CLSPN: variants seen among roughly 807,000 people sequenced by gnomAD.
CLSPN encodes claspin.
A neutral mutation model predicts 156.3 loss-of-function variants in CLSPN; 85 were observed. The observed-to-expected ratio is 0.54, with a 90% CI of 0.46 to 0.65. The LOEUF (loss-of-function observed/expected upper bound fraction) is 0.65. CLSPN is among the 30% of genes least tolerant of loss of function. The pLI, the probability that CLSPN is intolerant of heterozygous loss-of-function variation, is 0.00. For synonymous variants in CLSPN, 534 were observed against 542.4 expected, an observed-to-expected ratio of 0.98 and a Z score of 0.22; for missense variants, 1,407 against 1,554.9, an observed-to-expected ratio of 0.90 and a Z score of 1.60.
intron 8 of CLSPN, among the ~76,000 whole-genome samples, chr1:35,756,342 G>A (rs796173939): frequency 6.6e-5 from 10 of 152,266 alleles, no homozygotes; most frequent in African/African-American, 2.4e-4. Flanking sequence ...AAGATTACCT[G>A]GGACTTAAAA....
rs1448843010 is a variant in CLSPN, at chr1:35,746,862, T to C, written c.2758A>G (p.Thr920Ala). ...GGTAGATGTTTTTCAGCCTGAGATG[T>C]GAACTTTCCAGTACACAAATCCAAC... ...ELLDLCTGKF[T>A]SQAEKHLPRK... Residue 920 changes from threonine (T) to alanine (A), a missense_variant, in exon 15 of 25, where the codon ACA (threonine) becomes GCA (alanine). Around this residue, in one of 3 missense-constraint regions of CLSPN, gnomAD observed 1,096 missense variants for 1,193.0 expected, o/e 0.92. Coordinates refer to ENST00000318121, the MANE Select transcript of CLSPN (RefSeq NM_022111.4). The surrounding 1 kb of genome is among the most constrained non-coding windows in gnomAD (Gnocchi z 4.2). 6.2e-7 allele frequency: 1 copy of C among 1,614,048 alleles called. No homozygotes were observed. The highest frequency in any genetic ancestry group is 8.5e-7 in the Non-Finnish European group (1 of 1,179,882).
intron 1 of CLSPN, among the ~76,000 whole-genome samples, chr1:35,767,445 G>C (rs1642714396): frequency 6.6e-6 from 1 of 152,150 alleles, no homozygotes; most frequent in South Asian, 2.1e-4. Context: ...GCCATGACTT[G>C]AAAATACAGG....
At chr1:35,743,326 C>T (rs1040540469) in intron 17 of CLSPN, 85 bp from the exon 18 acceptor site, 7 of 1,368,940 alleles carry the variant, frequency 5.1e-6, no homozygotes, top group Non-Finnish European at 7.2e-6. Flanking sequence ...TGCCCAAATA[C>T]CTCATTCTAG....
Position 35,736,360 on chromosome 1 carries a change from T to A in CLSPN, c.*136A>T. On this transcript the variant is annotated 3_prime_UTR_variant, in exon 25 of 25. Transcript: ENST00000318121. The stretch of plus-strand genomic sequence containing the variant: ...TCCAGAGCTGTGCAGTAGAAATCAC[T>A]GGAATTTCTGTCTGCAATCTTATTG... 1.4e-6 allele frequency: 2 copies of A among 1,380,522 alleles called. No homozygotes were observed. Among genetic ancestry groups the A allele is most frequent in the Non-Finnish European group, 1.9e-6 (2 of 1,067,404 alleles). 85.5% of individuals were successfully genotyped at this position (1,380,522 alleles called of 1,614,324 possible). A position where few individuals can be genotyped will look rare whatever the true frequency, so the allele number is the denominator to read the frequency against.
At position 35,736,315 on chromosome 1, in the gene CLSPN, T is replaced by TA. The variant is rs1641469952; in HGVS notation, c.*180dup. On this transcript the variant is annotated 3_prime_UTR_variant, in exon 25 of 25. Coordinates refer to ENST00000318121, the MANE Select transcript of CLSPN (RefSeq NM_022111.4). ...TGAAATCAGTGGCCAATTCAGGGAATAATACTAGGAAAAGAGATGTCCAGA... is the reference window on the plus strand; with the variant it reads ...TGAAATCAGTGGCCAATTCAGGGAATAAATACTAGGAAAAGAGATGTCCAGA... 15 of 1,226,032 alleles carry TA rather than the reference T, an allele frequency of 1.2e-5. 2 individuals carry two copies. The South Asian group carries it at 4.8e-4, about 39-fold the overall frequency. The allele number at this position is 1,226,032 out of a possible 1,614,324, so 75.9% of individuals were successfully genotyped here. A position where few individuals can be genotyped will look rare whatever the true frequency, so the allele number is the denominator to read the frequency against.
downstream of CLSPN, chr1:35,732,046 A>G (rs1260623901): frequency 1.3e-5 from 8 of 606,780 alleles, no homozygotes; most frequent in African/African-American, 6.0e-5. Flanking sequence ...ACATTTTCCA[A>G]CTGAAGCCCC....
In CLSPN at chr1:35,764,327, T is replaced by A. The variant is rs369414814; in HGVS notation, c.521A>T (p.Glu174Val). The change falls in exon 3 of 25, where the codon GAG becomes GTG. Residue 174 changes from glutamate (E) to valine (V), a missense_variant. By Grantham distance (121) the Glu-to-Val change is moderately radical (BLOSUM62 -2). This residue lies in a region of CLSPN where 1,096 missense variants were observed against 1,193.0 expected (regional missense o/e 0.92). Transcript: ENST00000318121. ...KAKVKSKRRL[E>V]KEERKMEKIR... ...TTTTTCCATTTTTCTCTCCTCTTTC[T>A]CAAGTCTTCTTTTTGATTTTACTTT... The A allele has an allele frequency of 6.2e-7, 1 of 1,600,208 alleles. No homozygotes were observed. The highest frequency in any genetic ancestry group is 1.4e-5 in the African/African-American group (1 of 73,904).
Position 35,734,894 on chromosome 1 carries a change from T to A in CLSPN, c.*1602A>T, listed in dbSNP as rs1443599983. The A allele has an allele frequency of 1.0e-6, 1 of 985,238 alleles. No homozygotes were observed. The highest frequency in any genetic ancestry group is 1.7e-5 in the African/African-American group (1 of 57,214). 61.0% of individuals were successfully genotyped at this position (985,238 alleles called of 1,614,324 possible). On this transcript the variant is annotated 3_prime_UTR_variant, in exon 25 of 25. Transcript: ENST00000318121. ...TTCCAAAGCAGCACTGATGCTCAGT[T>A]CTGAGGGGAAAAACATTTGTCTAAA...
At chr1:35,739,992 C>T (rs186476609) in intron 18 of CLSPN, among the ~76,000 whole-genome samples, 5 of 152,294 alleles carry the variant, frequency 3.3e-5, no homozygotes, top group Admixed American at 3.3e-4. Context: ...TACATTTACC[C>T]AAGGTCACAT....
Position 35,741,830 on chromosome 1 carries a change from G to A in CLSPN, c.3143+1311C>T, listed in dbSNP as rs544345924. Among the ~76,000 whole-genome samples, 20 of 151,882 alleles carry A rather than the reference G, an allele frequency of 1.3e-4. No individual in the cohort carries two copies. In the South Asian group the frequency reaches 4.2e-3, roughly 32 times the overall value. ...TCTACTAAATATACAAAAATTAGCT[G>A]GGTGTGGTGGCACGTGCCTATATTC... On this transcript the variant is annotated intron_variant, in intron 18 of 24. Coordinates refer to ENST00000318121, the MANE Select transcript of CLSPN (RefSeq NM_022111.4).
At chr1:35,759,921 C>T (rs1642416021) in intron 8 of CLSPN, among the ~76,000 whole-genome samples, 1 of 150,272 alleles carries the variant, frequency 6.7e-6, no homozygotes, top group Non-Finnish European at 1.5e-5. Flanking sequence ...GCAACCTCTG[C>T]CTTCTGGGTT....
At chr1:35,767,298 T>A (rs571078360) in intron 1 of CLSPN, among the ~76,000 whole-genome samples, 63 of 152,334 alleles carry the variant, frequency 4.1e-4, no homozygotes, top group African/African-American at 1.5e-3. Context: ...TATCGTAGTA[T>A]CTATTTTTGG....
In CLSPN at chr1:35,732,660, GC is replaced by G; in HGVS notation, c.*3835del. ...CCTACCCTATCTCCCACACTCATGG[GC>G]TCTCATCCCTCCAAATATGTAATTT... On this transcript the variant is annotated 3_prime_UTR_variant, in exon 25 of 25. Coordinates refer to ENST00000318121, the MANE Select transcript of CLSPN (RefSeq NM_022111.4). 1.0e-6 allele frequency: 1 copy of G among 985,404 alleles called. No homozygotes were observed. Among genetic ancestry groups the G allele is most frequent in the Non-Finnish European group, 1.2e-6 (1 of 829,914 alleles). The allele number at this position is 985,404 out of a possible 1,614,324, so 61.0% of individuals were successfully genotyped here. A position where few individuals can be genotyped will look rare whatever the true frequency, so the allele number is the denominator to read the frequency against.
At chr1:35,727,088 T>G (rs1451881947) in intron 24 of CLSPN, among the ~76,000 whole-genome samples, 2 of 151,846 alleles carry the variant, frequency 1.3e-5, no homozygotes, top group Non-Finnish European at 2.9e-5. Flanking sequence ...TGCAAAGGAG[T>G]CTCCGTTCTT....
chr1:35,723,289 G>A (rs192778292), intron 24 of CLSPN, among the ~76,000 whole-genome samples: 1 of 152,286 alleles, frequency 6.6e-6, no homozygotes, highest in African/African-American at 2.4e-5. Context: ...CCTGAACAGG[G>A]CTTTGCAAAA....
intron 24 of CLSPN, among the ~76,000 whole-genome samples, chr1:35,721,570 T>G (rs918052333): frequency 1.2e-4 from 18 of 151,974 alleles, no homozygotes; most frequent in African/African-American, 4.4e-4. Flanking sequence ...GTATTTTTAG[T>G]AGAGACAGGG....
chr1:35,736,818 A>G, intron 24 of CLSPN, 96 bp downstream of exon 24: 1 of 1,409,734 alleles, frequency 7.1e-7, no homozygotes, highest in Non-Finnish European at 9.6e-7. Context: ...TCAACATTGC[A>G]GCATAGAGGT....
At chr1:35,737,212 C>T (rs1472754112) in intron 23 of CLSPN, 127 bp downstream of exon 23, 3 of 1,220,896 alleles carry the variant, frequency 2.5e-6, no homozygotes, top group East Asian at 2.3e-5. Context: ...ATAGCAGACT[C>T]CTTTGACATT....
chr1:35,751,178 T>C (rs927546385), intron 10 of CLSPN, 72 bp downstream of exon 10: 6 of 1,543,926 alleles, frequency 3.9e-6, no homozygotes, highest in Non-Finnish European at 3.5e-6. Flanking sequence ...CTTATTATAC[T>C]CTTTTTCAAG....
Sources: gnomAD v4.1 joint callset for allele counts (sites outside exome capture counted in the v4.1 genomes callset) on GRCh38, gnomAD v4.1.1 for gene constraint, gnomAD v4.1.1 regional missense constraint, Gnocchi (gnomAD v3.1) non-coding constraint, MANE v1.5 for transcripts, NCBI Gene and HGNC (gene_info 2026-07-23, HGNC 2026-07-21) for gene names.